The following AFF2 variants were observed in gnomAD, a reference collection of about 807,000 sequenced individuals.
AFF2 encodes AF4/FMR2 family member 2.
In AFF2, 14 loss-of-function variants were observed where a neutral mutation model predicts 76.9. That is an observed-to-expected ratio of 0.18 (90% CI 0.12 to 0.28). The LOEUF is 0.28. Ranked by LOEUF, AFF2 falls within the 10% of genes least tolerant of loss-of-function variation. The probability of loss-of-function intolerance (pLI) is 1.00; values close to 1 mark genes in which losing one functional copy is unlikely to be tolerated. For missense variants in AFF2, 868 were observed against 1,001.1 expected (o/e 0.87, Z 1.79); for synonymous variants, 398 against 366.7 (o/e 1.09, Z -0.98).
chrX:148,749,695 C>A (rs1264270389), intron 3 of AFF2, among the ~76,000 whole-genome samples: 1 of 110,400 alleles, frequency 9.1e-6, no homozygotes, highest in Non-Finnish European at 1.9e-5. Context: ...ACCCCAGACC[C>A]TACGTGCTGC....
intron 3 of AFF2, among the ~76,000 whole-genome samples, chrX:148,698,296 T>C (rs2054745278): frequency 8.9e-6 from 1 of 112,849 alleles, no homozygotes; most frequent in Non-Finnish European, 1.9e-5. Context: ...AGTGGCTTCC[T>C]ATTGGGTCTT....
intron 3 of AFF2, among the ~76,000 whole-genome samples, chrX:148,701,012 A>AGAGAGAG (rs782232655): frequency 9.5e-5 from 7 of 73,731 alleles, no homozygotes; most frequent in Non-Finnish European, 1.2e-4. Context: ...GAGAGAGAGA[A>AGAGAGAG]TGTGTGTGTG....
chrX:148,619,721 A>G (rs1308716748), intron 1 of AFF2, among the ~76,000 whole-genome samples: 1 of 111,807 alleles, frequency 8.9e-6, no homozygotes, highest in Non-Finnish European at 1.9e-5. Context: ...TAAGCTACAT[A>G]CAGAAGTCAA....
chrX:148,662,352 G>T lies in AFF2; in HGVS notation c.625G>T (p.Val209Phe). Residue 209 changes from valine (V) to phenylalanine (F), a missense_variant, in exon 3 of 21, where the codon GTT (valine) becomes TTT (phenylalanine). Val to Phe is a conservative substitution (Grantham distance 50). Coordinates refer to ENST00000370460, the MANE Select transcript of AFF2 (RefSeq NM_002025.4). ...YPAEQPQIGE[V>F]EESNPSAKED... ...AGCTGAACAGCCCCAGATTGGAGAA[G>T]TTGAAGAGTCAAACCCATCTGCAAA... is the stretch of plus-strand genomic sequence containing the variant. 1 of 1,211,939 alleles carries T rather than the reference G, an allele frequency of 8.3e-7. No homozygotes were observed. Among genetic ancestry groups the T allele is most frequent in the Non-Finnish European group, 1.1e-6 (1 of 895,513 alleles).
intron 1 of AFF2, among the ~76,000 whole-genome samples, chrX:148,623,600 AAT>A (rs782158598): frequency 6.1e-4 from 62 of 101,371 alleles, no homozygotes; most frequent in African/African-American, 1.2e-3. Flanking sequence ...CAAACATTTG[AAT>A]ATATATATAT....
At chrX:148,800,663 A>T (rs1358226556) in intron 3 of AFF2, among the ~76,000 whole-genome samples, 1 of 111,301 alleles carries the variant, frequency 9.0e-6, no homozygotes, top group Non-Finnish European at 1.9e-5. Flanking sequence ...CCCATAATAT[A>T]CCTGTGGCAA....
At chrX:148,523,326 C>A (rs2052621339) in intron 1 of AFF2, among the ~76,000 whole-genome samples, 1 of 112,097 alleles carries the variant, frequency 8.9e-6, no homozygotes, top group African/African-American at 3.2e-5. Context: ...ATACCCCATT[C>A]ATGTAATTAA....
In AFF2 at chrX:148,994,617, A is replaced by G. The variant is rs1238770234; in HGVS notation, c.*3285A>G. ...AAAGCAAGTTGCAAAATTAGAAACC[A>G]TTGGCTAAAAATGTGTTTTGTTGAG... On this transcript the variant is annotated 3_prime_UTR_variant, in exon 21 of 21. Coordinates refer to ENST00000370460, the MANE Select transcript of AFF2 (RefSeq NM_002025.4). 8.9e-6 allele frequency: 1 copy of G among 112,431 alleles called. No homozygotes were observed. Among genetic ancestry groups the G allele is most frequent in the East Asian group, 2.8e-4 (1 of 3,598 alleles). 9.3% of individuals were successfully genotyped at this position (112,431 alleles called of 1,213,427 possible). A position where few individuals can be genotyped will look rare whatever the true frequency, so the allele number is the denominator to read the frequency against.
At chrX:148,535,493 C>T (rs1422375118) in intron 1 of AFF2, among the ~76,000 whole-genome samples, 2 of 112,261 alleles carry the variant, frequency 1.8e-5, no homozygotes. Context: ...TACTTCCTGC[C>T]AGGGGACAGA....
intron 5 of AFF2, among the ~76,000 whole-genome samples, chrX:148,840,005 A>G (rs2070579316): frequency 9.1e-6 from 1 of 110,033 alleles, no homozygotes; most frequent in African/African-American, 3.3e-5. Flanking sequence ...TAAGCTTACT[A>G]AAACAAATAC....
At chrX:148,678,859 T>C (rs2054514608) in intron 3 of AFF2, among the ~76,000 whole-genome samples, 1 of 111,809 alleles carries the variant, frequency 8.9e-6, no homozygotes, top group South Asian at 3.8e-4. Context: ...TTATTGAATC[T>C]TCCTGAAATT....
intron 3 of AFF2, among the ~76,000 whole-genome samples, chrX:148,720,050 T>G (rs2124539654): frequency 9.0e-6 from 1 of 111,454 alleles, no homozygotes; most frequent in African/African-American, 3.3e-5. Context: ...TGTGTTCTCT[T>G]GTGTCTTTCT....
chrX:148,863,212 A>T (rs2070869801), intron 7 of AFF2, among the ~76,000 whole-genome samples: 1 of 112,237 alleles, frequency 8.9e-6, no homozygotes, highest in Non-Finnish European at 1.9e-5. Flanking sequence ...TGTTAGAGAC[A>T]TGATTTGAAA....
intron 7 of AFF2, among the ~76,000 whole-genome samples, chrX:148,882,992 G>A (rs1213265084): frequency 3.6e-5 from 4 of 111,558 alleles, no homozygotes; most frequent in Non-Finnish European, 7.5e-5. Flanking sequence ...TGGTGGGGAT[G>A]TGGGGAGGTT....
At chrX:148,662,819 C>T in intron 3 of AFF2, 51 bp downstream of exon 3, 2 of 1,116,911 alleles carry the variant, frequency 1.8e-6, no homozygotes, top group Non-Finnish European at 2.4e-6. Context: ...TAGTTCTCTG[C>T]TCTAACCTCT....
At chrX:148,504,121 C>G (rs2052382026) in intron 1 of AFF2, among the ~76,000 whole-genome samples, 1 of 111,079 alleles carries the variant, frequency 9.0e-6, no homozygotes, top group Admixed American at 9.5e-5. Flanking sequence ...GACTGAAGAT[C>G]AGGTAATGAT....
At chrX:148,682,578 GTGGATGGATGGATGGA>G (rs781792992) in intron 3 of AFF2, among the ~76,000 whole-genome samples, 413 of 106,300 alleles carry the variant, frequency 3.9e-3, no homozygotes, top group African/African-American at 5.5e-3. Flanking sequence ...GGGTGGACAG[GTGGATGGATGGATGGA>G]TGGATGGATG....
chrX:148,693,816 A>G (rs1236703046), intron 3 of AFF2, among the ~76,000 whole-genome samples: 1 of 112,200 alleles, frequency 8.9e-6, no homozygotes, highest in Non-Finnish European at 1.9e-5. Flanking sequence ...TCACCTGGCA[A>G]CAAGTTATTA....
intron 1 of AFF2, among the ~76,000 whole-genome samples, chrX:148,508,879 C>A (rs371068687): frequency 1.8e-5 from 2 of 111,179 alleles, no homozygotes; most frequent in Admixed American, 9.6e-5. Flanking sequence ...GGCTGGAGGG[C>A]CCCTTTGGAT....
Sources: allele counts gnomAD v4.1 joint callset (sites outside exome capture counted in the v4.1 genomes callset), GRCh38; gene constraint gnomAD v4.1.1; transcripts MANE v1.5; gene names NCBI Gene and HGNC (gene_info 2026-07-23, HGNC 2026-07-21).